PMS2: variants seen among roughly 807,000 people sequenced by gnomAD.
PMS2 encodes the protein mismatch repair endonuclease PMS2.
Under a neutral mutation model 90.0 loss-of-function variants are expected in PMS2, and 69 were observed. The observed-to-expected ratio is 0.77, with a 90% CI of 0.63 to 0.94. The LOEUF (loss-of-function observed/expected upper bound fraction) is 0.94, where lower values mean the gene tolerates loss of function less well. Ranked by LOEUF, PMS2 falls within the 40% of genes least tolerant of loss-of-function variation. The pLI, the probability that PMS2 is intolerant of heterozygous loss-of-function variation, is 0.00. For missense variants in PMS2, 966 were observed against 1,040.2 expected, an observed-to-expected ratio of 0.93 and a Z score of 0.98; for synonymous variants, 332 against 375.1, an observed-to-expected ratio of 0.89 and a Z score of 1.33.
chr7:5,976,011 C>T lies in PMS2; in HGVS notation c.2445+1577G>A, dbSNP rs796874896. Among the ~76,000 whole-genome samples, 14 of 143,740 alleles carry T rather than the reference C, an allele frequency of 9.7e-5. 1 individual carries two copies. The highest frequency in any genetic ancestry group is 7.2e-4 in the South Asian group (3 of 4,186). 94.3% of individuals were successfully genotyped at this position (143,740 alleles called of 152,430 possible). A position where few individuals can be genotyped will look rare whatever the true frequency, so the allele number is the denominator to read the frequency against. ...ATCCCAGCACTTTGGGAGACCAAGG[C>T]GGGCAGATCATGAGGTCAGGAGATC... On this transcript the variant is annotated intron_variant, in intron 14 of 14. Coordinates refer to ENST00000265849, the MANE Select transcript of PMS2 (RefSeq NM_000535.7).
At position 6,002,276 on chromosome 7, in the gene PMS2, A is replaced by G. The variant is rs1583401275; in HGVS notation, c.537+177T>C. On this transcript the variant is annotated intron_variant, in intron 5 of 14. Coordinates refer to ENST00000265849, the MANE Select transcript of PMS2 (RefSeq NM_000535.7). ...ATAAACACTATGTGATGAAAAGAAA[A>G]AAGTAAATCATCCTAAAGTTAAGTC... The G allele has an allele frequency of 6.7e-6, 4 of 600,986 alleles. No homozygotes were observed. The East Asian group carries it at 1.1e-4, about 17-fold the overall frequency. The allele number at this position is 600,986 out of a possible 1,614,324, so 37.2% of individuals were successfully genotyped here.
rs10592354 is a variant in PMS2 at position 6,007,087 on chromosome 7, CATTATT to C, written c.24-1062_24-1057del. Reference sequence around the variant, plus strand: ...TCCTTTCCCTTCATCAAGTCCCCTACATTATTATTATTATTATTATTATTATTGTTA... The same window carrying C: ...TCCTTTCCCTTCATCAAGTCCCCTACATTATTATTATTATTATTATTGTTA... On this transcript the variant is annotated intron_variant, in intron 1 of 14. Transcript: ENST00000265849. Among the ~76,000 whole-genome samples the C allele has an allele frequency of 1.7e-3, 254 of 147,360 alleles. 1 individual carries two copies. The highest frequency in any genetic ancestry group is 4.3e-3 in the African/African-American group (172 of 40,126).
In PMS2 at chr7:5,973,568, C is replaced by T. The variant is rs1454211746; in HGVS notation, c.2446-26G>A. Reference sequence around the variant, plus strand: ...CTGAGTGTGAGACACAATGGTTCAACGTTTTAGTAGTTTTTTGACGTCAGA... The same window carrying T: ...CTGAGTGTGAGACACAATGGTTCAATGTTTTAGTAGTTTTTTGACGTCAGA... On this transcript the variant is annotated intron_variant, in intron 14 of 14. Coordinates refer to ENST00000265849, the MANE Select transcript of PMS2 (RefSeq NM_000535.7). 15 of 464,484 alleles carry T rather than the reference C, an allele frequency of 3.2e-5. No individual in the cohort carries two copies. The highest frequency in any genetic ancestry group is 8.7e-5 in the Admixed American group (2 of 22,970). The allele number at this position is 464,484 out of a possible 1,614,324, so 28.8% of individuals were successfully genotyped here.
At chr7:5,994,520 T>C (rs1005578280) in intron 8 of PMS2, among the ~76,000 whole-genome samples, 2 of 152,028 alleles carry the variant, frequency 1.3e-5, no homozygotes, top group Non-Finnish European at 2.9e-5. Flanking sequence ...ACACCTGTAA[T>C]TCCAGCACTT....
At position 6,008,336 on chromosome 7, in the gene PMS2, T is replaced by C. The variant is rs118173955; in HGVS notation, c.23+661A>G. Among the ~76,000 whole-genome samples, 11 of 152,328 alleles carry C rather than the reference T, an allele frequency of 7.2e-5. No individual in the cohort carries two copies. In the East Asian group the frequency reaches 2.1e-3, roughly 29 times the overall value. ...CAAATGTGCTAGCCAAGATTCGGTG[T>C]AGCTTACCAGCCAGAAATCACACAT... On this transcript the variant is annotated intron_variant, in intron 1 of 14. Coordinates refer to ENST00000265849, the MANE Select transcript of PMS2 (RefSeq NM_000535.7).
At chr7:6,004,763 A>G (rs1470892976) in intron 2 of PMS2, among the ~76,000 whole-genome samples, 1 of 151,752 alleles carries the variant, frequency 6.6e-6, no homozygotes, top group Non-Finnish European at 1.5e-5. Context: ...GACTTCCTGG[A>G]TCCTATTTTA....
At chr7:5,976,275 G>C (rs1310962559) in intron 14 of PMS2, among the ~76,000 whole-genome samples, 1 of 145,294 alleles carries the variant, frequency 6.9e-6, no homozygotes, top group African/African-American at 2.5e-5. Context: ...TCTCTTGACT[G>C]TGCTTACTGG....
intron 12 of PMS2, among the ~76,000 whole-genome samples, chr7:5,981,068 T>G (rs182250468): frequency 0.014 from 2,102 of 151,922 alleles, 22 homozygotes; most frequent in Non-Finnish European, 0.017. Flanking sequence ...CGAAAATCCA[T>G]GACCTCTTCT....
At chr7:6,004,890 T>G (rs6978310) in intron 2 of PMS2, among the ~76,000 whole-genome samples, 39,684 of 151,810 alleles carry the variant, frequency 0.26, 5,447 homozygotes, top group Middle Eastern at 0.36. Context: ...AATTCTTTGG[T>G]TTTTTTTATT....
intron 14 of PMS2, among the ~76,000 whole-genome samples, chr7:5,977,383 A>G (rs1463053750): frequency 6.8e-6 from 1 of 146,678 alleles, no homozygotes; most frequent in African/African-American, 2.5e-5. Context: ...AGGTAACAAA[A>G]GAGCAATAAT....
At chr7:5,984,245 T>A (rs993634254) in intron 11 of PMS2, among the ~76,000 whole-genome samples, 1 of 151,856 alleles carries the variant, frequency 6.6e-6, no homozygotes, top group African/African-American at 2.4e-5. Flanking sequence ...TCAATCCTTC[T>A]CATCTTTGCC....
intron 1 of PMS2, among the ~76,000 whole-genome samples, chr7:6,007,933 C>T (rs1786031786): frequency 6.7e-6 from 1 of 149,908 alleles, no homozygotes; most frequent in Non-Finnish European, 1.5e-5. Flanking sequence ...GATCTCAGCT[C>T]ACTGCAACCT....
intron 8 of PMS2, 115 bp from the exon 9 acceptor site, chr7:5,992,172 TG>T (rs888103410): frequency 4.6e-5 from 31 of 674,558 alleles, no homozygotes; most frequent in Admixed American, 9.6e-5. Flanking sequence ...GATACTTTTT[TG>T]TTTTTTTTTT....
At chr7:6,001,711 T>C (rs1408990907) in intron 5 of PMS2, among the ~76,000 whole-genome samples, 4 of 150,702 alleles carry the variant, frequency 2.7e-5, no homozygotes, top group South Asian at 2.2e-4. Context: ...AGGCCAGGCA[T>C]GGTGGCTCAG....
Position 5,978,622 on chromosome 7 carries a change from C to T in PMS2, c.2249G>A (p.Gly750Asp), listed in dbSNP as rs587779337. 27 of 1,603,354 alleles carry T rather than the reference C, an allele frequency of 1.7e-5. 2 individuals carry two copies. Among genetic ancestry groups the T allele is most frequent in the Non-Finnish European group, 2.2e-5 (26 of 1,173,180 alleles). Residue 750 changes from glycine (G) to aspartate (D), a missense_variant, in exon 13 of 15, where the codon GGC becomes GAC. Around this residue, in one of 2 missense-constraint regions of PMS2, gnomAD observed 95 missense variants for 237.8 expected, o/e 0.40. Coordinates refer to ENST00000265849, the MANE Select transcript of PMS2 (RefSeq NM_000535.7). The part of the protein sequence containing the change: ...IENLEIFRKN[G>D]FDFVIDENAP... ...ATTTTCATCGATAACAAAATCAAAG[C>T]CATTCTTTCTAAATATTTCCAGATT...
intron 14 of PMS2, among the ~76,000 whole-genome samples, chr7:5,976,425 G>A (rs1474578330): frequency 3.3e-5 from 5 of 150,436 alleles, no homozygotes; most frequent in Non-Finnish European, 5.9e-5. Flanking sequence ...AGGGGCTCAA[G>A]GAGCACCTGC....
At chr7:5,994,732 C>T (rs1013028125) in intron 8 of PMS2, among the ~76,000 whole-genome samples, 5 of 151,316 alleles carry the variant, frequency 3.3e-5, no homozygotes, top group East Asian at 2.0e-4. Flanking sequence ...GCCGAGACCA[C>T]GCCACTGCAC....
At position 5,987,480 on chromosome 7, in the gene PMS2, T is replaced by A. The variant is rs1450566410; in HGVS notation, c.1285A>T (p.Thr429Ser). ...RLREAFSLRH[T>S]TENKPHSPKT... Reference sequence around the variant, plus strand: ...GGGCTGTGAGGCTTGTTCTCTGTTGTGTGACGAAGAGAAAAGGCCTCTCGC... The same window carrying A: ...GGGCTGTGAGGCTTGTTCTCTGTTGAGTGACGAAGAGAAAAGGCCTCTCGC... Residue 429 changes from threonine (T) to serine (S), a missense_variant, in exon 11 of 15, where the codon ACA (threonine) becomes TCA (serine). Thr to Ser is a moderately conservative substitution (Grantham distance 58). Coordinates refer to ENST00000265849, the MANE Select transcript of PMS2 (RefSeq NM_000535.7). The A allele has an allele frequency of 1.2e-6, 2 of 1,614,038 alleles. No homozygotes were observed. Among genetic ancestry groups the A allele is most frequent in the Non-Finnish European group, 1.7e-6 (2 of 1,180,010 alleles).
chr7:5,983,095 A>C, intron 11 of PMS2, 104 bp from the exon 12 acceptor site: 2 of 1,506,630 alleles, frequency 1.3e-6, no homozygotes, highest in Non-Finnish European at 1.8e-6. Context: ...ACAAAAACAA[A>C]ATAAAGTCCC....
Sources: allele counts gnomAD v4.1 joint callset (sites outside exome capture counted in the v4.1 genomes callset), GRCh38; gene constraint gnomAD v4.1.1; regional missense constraint gnomAD v4.1.1; transcripts MANE v1.5; gene names NCBI Gene and HGNC (gene_info 2026-07-23, HGNC 2026-07-21).